Variants in CDH20 observed in about 807,000 individuals in gnomAD.
CDH20 encodes cadherin 20.
In CDH20, 29 loss-of-function variants were observed where a neutral mutation model predicts 74.2. That is an observed-to-expected ratio of 0.39 (90% CI 0.29 to 0.53). The LOEUF (loss-of-function observed/expected upper bound fraction) is 0.53, where lower values mean the gene tolerates loss of function less well. Ranked by LOEUF, CDH20 falls within the 20% of genes least tolerant of loss-of-function variation. CDH20 has a pLI of 0.69. For missense variants in CDH20, 988 were observed against 1,048.3 expected (o/e 0.94, Z 0.79); for synonymous variants, 469 against 405.4 (o/e 1.16, Z -1.88).
chr18:61,439,386 A>T (rs1409895977), intron 1 of CDH20, among the ~76,000 whole-genome samples: 1 of 152,176 alleles, frequency 6.6e-6, no homozygotes, highest in Non-Finnish European at 1.5e-5. Context: ...ATAAATGGAC[A>T]CTGTTCAAGG....
At chr18:61,527,889 G>A in intron 6 of CDH20, 78 bp from the exon 7 acceptor site, 2 of 1,370,288 alleles carry the variant, frequency 1.5e-6, no homozygotes, top group Non-Finnish European at 2.1e-6. Flanking sequence ...CATCAATATT[G>A]GGCATCCTTT....
intron 1 of CDH20, among the ~76,000 whole-genome samples, chr18:61,417,198 G>A (rs1912712894): frequency 6.6e-6 from 1 of 152,114 alleles, no homozygotes; most frequent in Non-Finnish European, 1.5e-5. Flanking sequence ...ATCATGAAAG[G>A]AGATAAGATT....
intron 3 of CDH20, among the ~76,000 whole-genome samples, chr18:61,500,093 A>T (rs1911313757): frequency 9.2e-6 from 1 of 108,826 alleles, no homozygotes; most frequent in Non-Finnish European, 1.7e-5. Context: ...ACAGAGTGAG[A>T]CTCCATCTTA....
rs79421800 is a variant in CDH20 at position 61,507,369 on chromosome 18, G to A, written c.830-4G>A. 3,612 of 1,609,356 alleles carry A rather than the reference G, an allele frequency of 2.2e-3. 62 individuals are homozygous for A. In the African/African-American group the frequency reaches 0.037, roughly 17 times the overall value. On this transcript the variant is annotated splice_region_variant and splice_polypyrimidine_tract_variant and intron_variant, in intron 5 of 11. Transcript: ENST00000262717. ...AGAATGCGTGTCCTGGCTTTTCTTC[G>A]TAGAACATTACCAGATGAGTGTGTT...
intron 1 of CDH20, among the ~76,000 whole-genome samples, chr18:61,469,192 GAAC>G (rs945076994): frequency 3.3e-5 from 5 of 152,096 alleles, no homozygotes; most frequent in East Asian, 1.9e-4. Context: ...CTTCAGATCA[GAAC>G]AACAACAACA....
chr18:61,407,015 A>G (rs1033250811), intron 1 of CDH20, among the ~76,000 whole-genome samples: 4 of 152,256 alleles, frequency 2.6e-5, no homozygotes, highest in Admixed American at 2.6e-4. Context: ...CATGTGGTAC[A>G]TACTTGCCAT....
At position 61,418,510 on chromosome 18, in the gene CDH20, C is replaced by T. The variant is rs538702682; in HGVS notation, c.-152-71892C>T. On this transcript the variant is annotated intron_variant, in intron 1 of 11. Transcript: ENST00000262717. ...CGGAGTTTGCAGTGAGCCAAGATCG[C>T]GCCACTGCACTCCAGCCTGGGCGAC... Among the ~76,000 whole-genome samples the T allele has an allele frequency of 4.3e-4, 61 of 142,662 alleles. No homozygotes were observed. In the South Asian group the frequency reaches 0.013, roughly 32 times the overall value. 93.6% of individuals were successfully genotyped at this position (142,662 alleles called of 152,430 possible). A position where few individuals can be genotyped will look rare whatever the true frequency, so the allele number is the denominator to read the frequency against.
At chr18:61,416,765 A>G (rs976715796) in intron 1 of CDH20, among the ~76,000 whole-genome samples, 16 of 152,370 alleles carry the variant, frequency 1.1e-4, no homozygotes, top group African/African-American at 3.8e-4. Context: ...TTTAGCTGGT[A>G]CACTGCCACT....
At chr18:61,400,608 C>T (rs907444786) in intron 1 of CDH20, among the ~76,000 whole-genome samples, 8 of 152,216 alleles carry the variant, frequency 5.3e-5, no homozygotes, top group African/African-American at 1.4e-4. Flanking sequence ...CCTCTACCCT[C>T]CTCTCGTTCC....
intron 1 of CDH20, among the ~76,000 whole-genome samples, chr18:61,405,503 C>T (rs1457589191): frequency 6.6e-6 from 1 of 152,204 alleles, no homozygotes; most frequent in Non-Finnish European, 1.5e-5. Context: ...AGGAGGATTG[C>T]TTCAGCCCAG....
intron 1 of CDH20, among the ~76,000 whole-genome samples, chr18:61,486,874 A>G (rs886834283): frequency 6.6e-6 from 1 of 152,212 alleles, no homozygotes; most frequent in Non-Finnish European, 1.5e-5. Flanking sequence ...AAAGCTCAGG[A>G]AAACTGGAAT....
intron 1 of CDH20, among the ~76,000 whole-genome samples, chr18:61,384,252 A>G (rs1599049440): frequency 6.6e-6 from 1 of 152,200 alleles, no homozygotes; most frequent in African/African-American, 2.4e-5. Flanking sequence ...AAAATCGTTT[A>G]TCATCATCAT....
intron 1 of CDH20, among the ~76,000 whole-genome samples, chr18:61,426,544 G>C (rs938917683): frequency 1.3e-5 from 2 of 152,082 alleles, no homozygotes; most frequent in Admixed American, 1.3e-4. Context: ...CCTAAGTAAG[G>C]CTCCCTAACT....
Position 61,351,641 on chromosome 18 carries a change from TAA to T in CDH20, c.-153+17825_-153+17826del, listed in dbSNP as rs201829009. On this transcript the variant is annotated intron_variant, in intron 1 of 11. Coordinates refer to ENST00000262717, the MANE Select transcript of CDH20 (RefSeq NM_031891.4). ...AGCAAAAATAACTGCAAAGTCTAAT[TAA>T]AAAAAAAAAACAATTTTCAGGTGAT... Among the ~76,000 whole-genome samples the T allele has an allele frequency of 8.3e-5, 12 of 144,550 alleles. No homozygotes were observed. In the East Asian group the frequency reaches 1.8e-3, roughly 22 times the overall value. The allele number at this position is 144,550 out of a possible 152,430, so 94.8% of individuals were successfully genotyped here.
At chr18:61,452,547 A>T (rs553181479) in intron 1 of CDH20, among the ~76,000 whole-genome samples, 2 of 152,326 alleles carry the variant, frequency 1.3e-5, no homozygotes, top group South Asian at 4.1e-4. Flanking sequence ...AAAGTTTTAT[A>T]ATACCAGTAA....
intron 1 of CDH20, among the ~76,000 whole-genome samples, chr18:61,408,546 C>G (rs1418964405): frequency 6.6e-6 from 1 of 152,124 alleles, no homozygotes. Flanking sequence ...TGACATTATT[C>G]TTCATAGAGG....
chr18:61,427,302 C>A (rs1913105670), intron 1 of CDH20, among the ~76,000 whole-genome samples: 1 of 152,064 alleles, frequency 6.6e-6, no homozygotes, highest in African/African-American at 2.4e-5. Context: ...TCATGACAAC[C>A]CAGTGAAGTA....
At chr18:61,365,356 A>G (rs774449954) in intron 1 of CDH20, among the ~76,000 whole-genome samples, 10 of 152,212 alleles carry the variant, frequency 6.6e-5, no homozygotes, top group South Asian at 2.1e-4. Context: ...GTCTGCCTCT[A>G]TATTAAATGG....
chr18:61,528,253 G>A, intron 7 of CDH20, 33 bp downstream of exon 7: 1 of 1,603,740 alleles, frequency 6.2e-7, no homozygotes. Flanking sequence ...TTCCTTATAT[G>A]CTGGAATCTT....
Sources: allele counts gnomAD v4.1 joint callset (sites outside exome capture counted in the v4.1 genomes callset), GRCh38; gene constraint gnomAD v4.1.1; transcripts MANE v1.5; gene names NCBI Gene and HGNC (gene_info 2026-07-23, HGNC 2026-07-21).